The following NEK6 variants were observed in gnomAD, a reference collection of about 807,000 sequenced individuals.
NEK6 encodes the protein NIMA related kinase 6, also known as serine/threonine-protein kinase Nek6.
Under a neutral mutation model 43.5 loss-of-function variants are expected in NEK6, and 27 were observed. That is an observed-to-expected ratio of 0.62 (90% CI 0.46 to 0.86). The LOEUF is 0.86. NEK6 is among the 40% of genes least tolerant of loss of function. The pLI is 0.00. For synonymous variants in NEK6, 167 were observed against 164.1 expected (o/e 1.02, Z -0.14); for missense variants, 318 against 414.4 (o/e 0.77, Z 2.02).
At chr9:124,348,986 G>A (rs961807584) in intron 9 of NEK6, among the ~76,000 whole-genome samples, 1 of 152,272 alleles carries the variant, frequency 6.6e-6, no homozygotes, top group Non-Finnish European at 1.5e-5. Context: ...CCATCAATTA[G>A]CTGGGGTGAG....
intron 8 of NEK6, among the ~76,000 whole-genome samples, chr9:124,347,074 A>G (rs531428550): frequency 3.2e-4 from 49 of 152,152 alleles, no homozygotes; most frequent in Admixed American, 1.0e-3. Flanking sequence ...CCCACCCTGA[A>G]GGTTCCCTCC....
chr9:124,287,300 C>T (rs1167859737), intron 1 of NEK6, among the ~76,000 whole-genome samples: 1 of 152,184 alleles, frequency 6.6e-6, no homozygotes, highest in Non-Finnish European at 1.5e-5. Context: ...CTGGTTGGGC[C>T]TGGGAATTCA....
At chr9:124,309,400 C>T (rs948462192) in intron 2 of NEK6, among the ~76,000 whole-genome samples, 2 of 152,210 alleles carry the variant, frequency 1.3e-5, no homozygotes, top group South Asian at 2.1e-4. Flanking sequence ...GTTGGGAACC[C>T]CGGCCAGACT....
chr9:124,287,617 GA>G (rs1832223228), intron 1 of NEK6, among the ~76,000 whole-genome samples: 1 of 152,208 alleles, frequency 6.6e-6, no homozygotes, highest in African/African-American at 2.4e-5. Flanking sequence ...CTGAGGTCAG[GA>G]GTTTGAAACT....
chr9:124,314,748 A>G (rs145144060), intron 4 of NEK6, among the ~76,000 whole-genome samples: 2 of 151,754 alleles, frequency 1.3e-5, no homozygotes, highest in African/African-American at 4.8e-5. Flanking sequence ...GCTCACTGCA[A>G]TCCCCACCTT....
At chr9:124,332,610 C>G (rs1270688223) in intron 7 of NEK6, among the ~76,000 whole-genome samples, 2 of 152,252 alleles carry the variant, frequency 1.3e-5, no homozygotes, top group Non-Finnish European at 2.9e-5. Flanking sequence ...TCCAATCCAC[C>G]ATCTGGGGAA....
rs1165676719 is a variant in NEK6 at position 124,279,300 on chromosome 9, C to CTT, written c.-30+21233_-30+21234dup. On this transcript the variant is annotated intron_variant, in intron 1 of 9. Transcript: ENST00000320246. ...CAGCCTACTCCAGCCTTTCTCTTCC[C>CTT]TTTTTTTTTTTTTTTTTTTGAGACG... 8.9e-3 allele frequency among the ~76,000 whole-genome samples: 1,226 copies of CTT among 138,140 alleles called. 31 individuals are homozygous for CTT. The highest frequency in any genetic ancestry group is 0.031 in the African/African-American group (1,152 of 36,854). 90.6% of individuals were successfully genotyped at this position (138,140 alleles called of 152,430 possible).
At chr9:124,303,151 C>G (rs977336256) in intron 2 of NEK6, among the ~76,000 whole-genome samples, 6 of 152,344 alleles carry the variant, frequency 3.9e-5, no homozygotes, top group Non-Finnish European at 7.3e-5. Context: ...GAGAGCTTGT[C>G]TGGGCAGGTT....
At position 124,351,034 on chromosome 9, in the gene NEK6, G is replaced by C. The variant is rs1830251178; in HGVS notation, c.*87G>C. 1 of 856,042 alleles carries C rather than the reference G, an allele frequency of 1.2e-6. No homozygotes were observed. The highest frequency in any genetic ancestry group is 1.9e-6 in the Non-Finnish European group (1 of 532,972). 53.0% of individuals were successfully genotyped at this position (856,042 alleles called of 1,614,324 possible). A position where few individuals can be genotyped will look rare whatever the true frequency, so the allele number is the denominator to read the frequency against. On this transcript the variant is annotated 3_prime_UTR_variant, in exon 10 of 10. Transcript: ENST00000320246. ...CTTCGAGTGGCCACCTGGTAGCCTAGAACAGCTAAGACCACAGGGTTCAGC... is the reference window on the plus strand; with the variant it reads ...CTTCGAGTGGCCACCTGGTAGCCTACAACAGCTAAGACCACAGGGTTCAGC...
intron 7 of NEK6, among the ~76,000 whole-genome samples, chr9:124,337,058 G>T (rs1192675898): frequency 6.6e-6 from 1 of 152,108 alleles, no homozygotes; most frequent in African/African-American, 2.4e-5. Context: ...TCAATGGGCT[G>T]ATAGGAGAAT....
intron 7 of NEK6, among the ~76,000 whole-genome samples, chr9:124,337,807 G>A (rs1341958138): frequency 6.6e-6 from 1 of 152,238 alleles, no homozygotes; most frequent in East Asian, 1.9e-4. Flanking sequence ...GGCCATGGTA[G>A]AAACCAGCCG....
chr9:124,326,304 C>T lies in NEK6; in HGVS notation c.406-26C>T, dbSNP rs375093234. The T allele has an allele frequency of 7.0e-6, 11 of 1,571,704 alleles. No homozygotes were observed. The highest frequency in any genetic ancestry group is 2.2e-5 in the East Asian group (1 of 44,620). ...TCCAAGCCCGCTCACCCGGGCCTAT[C>T]CCTCTGCTTGTCTCCCCCACTGCAG... is the stretch of plus-strand genomic sequence containing the variant. On this transcript the variant is annotated intron_variant, in intron 5 of 9. Transcript: ENST00000320246. This position sits in a 1 kb window ranked among gnomAD's most constrained non-coding sequence, Gnocchi z 4.5.
At chr9:124,295,776 G>A (rs535630094) in intron 1 of NEK6, among the ~76,000 whole-genome samples, 1 of 152,236 alleles carries the variant, frequency 6.6e-6, no homozygotes, top group Non-Finnish European at 1.5e-5. Context: ...GTGCCTGGGC[G>A]TGGCATTCCT....
intron 1 of NEK6, among the ~76,000 whole-genome samples, chr9:124,289,065 T>C (rs2119034275): frequency 6.6e-6 from 1 of 152,064 alleles, no homozygotes; most frequent in East Asian, 1.9e-4. Context: ...TCCACAGCCT[T>C]GAACTCCTGG....
chr9:124,317,879 A>G (rs1261186225), intron 4 of NEK6, among the ~76,000 whole-genome samples: 1 of 152,220 alleles, frequency 6.6e-6, no homozygotes, highest in Non-Finnish European at 1.5e-5. Flanking sequence ...GCTGCATAAT[A>G]TTCTATTGTA....
Position 124,327,778 on chromosome 9 carries a change from C to T in NEK6, c.622+333C>T, listed in dbSNP as rs534924050. On this transcript the variant is annotated intron_variant, in intron 7 of 9. Coordinates refer to ENST00000320246, the MANE Select transcript of NEK6 (RefSeq NM_014397.6). ...GAGTGTCCCGTTCACGGGCAGCACC[C>T]TTGGTCCATCCCTCCTAGGGGGTGG... 2.3e-3 allele frequency among the ~76,000 whole-genome samples: 357 copies of T among 152,300 alleles called. 1 individual carries two copies. Among genetic ancestry groups the T allele is most frequent in the African/African-American group, 8.5e-3 (355 of 41,568 alleles).
At chr9:124,342,146 C>T (rs1322418200) in intron 8 of NEK6, among the ~76,000 whole-genome samples, 1 of 152,198 alleles carries the variant, frequency 6.6e-6, no homozygotes, top group Non-Finnish European at 1.5e-5. Flanking sequence ...TGTCCCTGGG[C>T]TCAGGGCTCC....
Position 124,320,145 on chromosome 9 carries a change from C to T in NEK6, c.295-1314C>T, listed in dbSNP as rs1258320130. On this transcript the variant is annotated intron_variant, in intron 4 of 9. Transcript: ENST00000320246. ...AGCCACAGCGCTGCTGGCTGAGGGG[C>T]AGGCAGGGGCCAGCACACCCACCTC... 3.3e-5 allele frequency among the ~76,000 whole-genome samples: 5 copies of T among 152,230 alleles called. No homozygotes were observed. The East Asian group carries it at 9.6e-4, about 29-fold the overall frequency.
At position 124,301,980 on chromosome 9, in the gene NEK6, G is replaced by A. The variant is rs528727476; in HGVS notation, c.16G>A (p.Gly6Ser). Residue 6 changes from glycine to serine, a missense_variant, in exon 2 of 10, where the codon GGC (glycine) becomes AGC (serine). Physicochemically the swap from Gly to Ser is moderately conservative, Grantham distance 56 (BLOSUM62 0). Transcript: ENST00000320246. ...GGCATGCAGGATGGCAGGACAGCCC[G>A]GCCACATGCCCCATGGAGGGAGTTC... MAGQP[G>S]HMPHGGSSNN... 1.4e-5 allele frequency: 22 copies of A among 1,601,100 alleles called. No homozygotes were observed. Among genetic ancestry groups the A allele is most frequent in the Admixed American group, 6.8e-5 (4 of 58,604 alleles).
Sources: allele counts gnomAD v4.1 joint callset (sites outside exome capture counted in the v4.1 genomes callset), GRCh38; gene constraint gnomAD v4.1.1; non-coding constraint Gnocchi (gnomAD v3.1); transcripts MANE v1.5; gene names NCBI Gene and HGNC (gene_info 2026-07-23, HGNC 2026-07-21).